ANO4: variants seen among roughly 807,000 people sequenced by gnomAD.
ANO4 encodes the protein anoctamin-4.
In ANO4, 69 loss-of-function variants were observed where a neutral mutation model predicts 141.9. The observed-to-expected ratio is 0.49, with a 90% CI of 0.40 to 0.59. The LOEUF is 0.59. Among genes scored for constraint, ANO4 ranks in the 20% least tolerant of loss-of-function variants. The pLI is 0.00. For missense variants in ANO4, 894 were observed against 1,162.2 expected (o/e 0.77, Z 3.36); for synonymous variants, 350 against 394.3 (o/e 0.89, Z 1.33).
intron 1 of ANO4, among the ~76,000 whole-genome samples, chr12:100,865,078 G>A (rs547502257): frequency 6.6e-6 from 1 of 152,280 alleles, no homozygotes; most frequent in East Asian, 1.9e-4. Context: ...CGTGAATAGT[G>A]CTGCAATAAA....
intron 3 of ANO4, among the ~76,000 whole-genome samples, chr12:100,929,356 A>G (rs942765601): frequency 2.0e-5 from 3 of 152,164 alleles, no homozygotes; most frequent in African/African-American, 7.2e-5. Flanking sequence ...CCCACAAATA[A>G]GAACATGCAA....
At chr12:100,731,280 C>G (rs1233186374) in intron 1 of ANO4, among the ~76,000 whole-genome samples, 1 of 152,158 alleles carries the variant, frequency 6.6e-6, no homozygotes, top group Non-Finnish European at 1.5e-5. Context: ...TAATATGACT[C>G]TTGTAACCTG....
chr12:100,910,854 G>A (rs1201978662), intron 2 of ANO4, among the ~76,000 whole-genome samples: 1 of 152,018 alleles, frequency 6.6e-6, no homozygotes, highest in Admixed American at 6.6e-5. Flanking sequence ...GCCGATATGT[G>A]TTATTCCCAA....
chr12:101,126,950 A>G lies in ANO4; in HGVS notation c.2748A>G (p.Arg916=). 1 of 1,614,224 alleles carries G rather than the reference A, an allele frequency of 6.2e-7. No individual in the cohort carries two copies. Among genetic ancestry groups the G allele is most frequent in the East Asian group, 2.2e-5 (1 of 44,888 alleles). The change falls in exon 27 of 28, where the codon CGA becomes CGG. Residue 916 remains arginine (R), a synonymous_variant. Transcript: ENST00000392977. ...IPDLPKDLRD[R]MRREKYLIQE... ...ACCTCCCAAAAGACCTAAGGGATCGAATGAGAAGAGAGAAGTACTTGATTC... is the reference window on the plus strand; with the variant it reads ...ACCTCCCAAAAGACCTAAGGGATCGGATGAGAAGAGAGAAGTACTTGATTC...
intron 15 of ANO4, among the ~76,000 whole-genome samples, chr12:101,081,940 A>G (rs2049296261): frequency 6.6e-6 from 1 of 152,020 alleles, no homozygotes; most frequent in Admixed American, 6.6e-5. Context: ...GAACTTAATT[A>G]CCACTATAAA....
intron 3 of ANO4, among the ~76,000 whole-genome samples, chr12:100,785,499 T>C (rs1035123362): frequency 2.0e-5 from 3 of 152,224 alleles, no homozygotes; most frequent in African/African-American, 4.8e-5. Flanking sequence ...TTATATCATA[T>C]GTAGCCTTCT....
At chr12:101,066,997 C>CAAAAAAAAAAAAAAAAAAA (rs34416390) in intron 14 of ANO4, 4 of 181,516 alleles carry the variant, frequency 2.2e-5, no homozygotes, top group Non-Finnish European at 2.0e-5. Context: ...TAAAGTATAA[C>CAAAAAAAAAAAAAAAAAAA]AAAAAAAAAA....
In ANO4 at chr12:100,815,535, A is replaced by ACTGCCATTTACTG. The variant is rs2035684015; in HGVS notation, c.-141+20508_-141+20509insCTGCCATTTACTG. Among the ~76,000 whole-genome samples, 5 of 152,182 alleles carry ACTGCCATTTACTG rather than the reference A, an allele frequency of 3.3e-5. No individual in the cohort carries two copies. The South Asian group carries it at 1.0e-3, about 32-fold the overall frequency. Reference sequence around the variant, plus strand: ...CAAAATCCATGGTATTTCATTTACTATACTGCCATTTACTTTCTTATTTGG... The same window carrying ACTGCCATTTACTG: ...CAAAATCCATGGTATTTCATTTACTACTGCCATTTACTGTACTGCCATTTACTTTCTTATTTGG... On this transcript the variant is annotated intron_variant, in intron 1 of 27. Coordinates refer to ENST00000392977, the MANE Select transcript of ANO4 (RefSeq NM_001286615.2).
chr12:101,113,626 T>C (rs897447199), intron 24 of ANO4, among the ~76,000 whole-genome samples: 8 of 151,872 alleles, frequency 5.3e-5, no homozygotes, highest in African/African-American at 1.9e-4. Flanking sequence ...CTGGCCACTC[T>C]ATTACTTTTC....
chr12:100,839,826 G>A (rs1460447257), intron 1 of ANO4, among the ~76,000 whole-genome samples: 2 of 152,098 alleles, frequency 1.3e-5, no homozygotes, highest in Non-Finnish European at 2.9e-5. Flanking sequence ...AAAAATGAAT[G>A]CATTATTGTA....
chr12:101,049,411 AT>A, intron 14 of ANO4, among the ~76,000 whole-genome samples: 1 of 151,524 alleles, frequency 6.6e-6, no homozygotes, highest in East Asian at 1.9e-4. Context: ...ACTTAAAATT[AT>A]TTTCACAGAT....
At chr12:100,824,046 G>T (rs1045417057) in intron 1 of ANO4, among the ~76,000 whole-genome samples, 4 of 151,932 alleles carry the variant, frequency 2.6e-5, no homozygotes, top group Admixed American at 1.3e-4. Context: ...CATTTTTCTG[G>T]ATATGAGTGG....
chr12:101,021,421 C>T (rs1448497662), intron 9 of ANO4, among the ~76,000 whole-genome samples: 2 of 152,144 alleles, frequency 1.3e-5, no homozygotes, highest in East Asian at 1.9e-4. Context: ...TCCAGTGTCC[C>T]TCCCAGTGTC....
At chr12:101,047,456 A>G (rs2047678241) in intron 13 of ANO4, among the ~76,000 whole-genome samples, 7 of 152,164 alleles carry the variant, frequency 4.6e-5, no homozygotes, top group Admixed American at 4.6e-4. Flanking sequence ...TCAAAGAAAG[A>G]GAAACTTCTG....
chr12:100,797,887 T>C (rs1010157925), intron 1 of ANO4, among the ~76,000 whole-genome samples: 3 of 152,304 alleles, frequency 2.0e-5, no homozygotes, highest in Admixed American at 1.3e-4. Context: ...AATGAAGAGA[T>C]GATTACAGCT....
At chr12:101,058,829 C>G (rs2048233622) in intron 14 of ANO4, among the ~76,000 whole-genome samples, 1 of 152,166 alleles carries the variant, frequency 6.6e-6, no homozygotes, top group Non-Finnish European at 1.5e-5. Flanking sequence ...TCGACTTCCT[C>G]TTTTCCTATT....
At chr12:100,986,507 A>G (rs1380685538) in intron 7 of ANO4, among the ~76,000 whole-genome samples, 8 of 152,200 alleles carry the variant, frequency 5.3e-5, no homozygotes, top group Non-Finnish European at 8.8e-5. Context: ...GACACACCTC[A>G]AAATAATGTT....
At chr12:100,884,798 G>A (rs1021719169) in intron 1 of ANO4, among the ~76,000 whole-genome samples, 2 of 152,148 alleles carry the variant, frequency 1.3e-5, no homozygotes, top group East Asian at 1.9e-4. Context: ...GCATTCAAGC[G>A]ATTCTCCCGC....
intron 3 of ANO4, 118 bp from the exon 4 acceptor site, chr12:100,939,197 A>G: frequency 1.9e-6 from 2 of 1,033,098 alleles, no homozygotes; most frequent in Non-Finnish European, 2.8e-6. Context: ...CTTGTCACTC[A>G]AGGAGTTAAT....
Sources: allele counts gnomAD v4.1 joint callset (sites outside exome capture counted in the v4.1 genomes callset), GRCh38; gene constraint gnomAD v4.1.1; transcripts MANE v1.5; gene names NCBI Gene and HGNC (gene_info 2026-07-23, HGNC 2026-07-21).